EPYC: variants seen among roughly 807,000 people sequenced by gnomAD.
EPYC encodes epiphycan.
A neutral mutation model predicts 30.1 loss-of-function variants in EPYC; 28 were observed. The observed-to-expected ratio is 0.93, with a 90% CI of 0.69 to 1.28. The LOEUF (loss-of-function observed/expected upper bound fraction) is 1.28, where lower values mean the gene tolerates loss of function less well. EPYC is among the 50% of genes most tolerant of loss of function. The pLI, the probability that EPYC is intolerant of heterozygous loss-of-function variation, is 0.00. For missense variants in EPYC, 382 were observed against 383.5 expected (o/e 1.00, Z 0.03); for synonymous variants, 144 against 141.4 (o/e 1.02, Z -0.13).
At chr12:90,968,146 CTT>C (rs1175042021) in intron 6 of EPYC, among the ~76,000 whole-genome samples, 2 of 152,086 alleles carry the variant, frequency 1.3e-5, no homozygotes, top group African/African-American at 2.4e-5. Context: ...TATTAACCCT[CTT>C]ATCATTATAA....
chr12:90,984,018 T>A (rs1877387104), intron 2 of EPYC, among the ~76,000 whole-genome samples: 1 of 152,032 alleles, frequency 6.6e-6, no homozygotes, highest in Non-Finnish European at 1.5e-5. Flanking sequence ...ATTCATATGA[T>A]GAGAAGTGAG....
chr12:90,979,027 T>C (rs926935343), intron 2 of EPYC, among the ~76,000 whole-genome samples: 5 of 152,288 alleles, frequency 3.3e-5, no homozygotes, highest in Non-Finnish European at 5.9e-5. Flanking sequence ...TTATATTATA[T>C]TTTAGATTAC....
intron 2 of EPYC, among the ~76,000 whole-genome samples, chr12:90,980,744 T>C (rs1398230064): frequency 6.6e-6 from 1 of 152,210 alleles, no homozygotes; most frequent in Non-Finnish European, 1.5e-5. Context: ...AATGTAAACA[T>C]AATTGAGCCT....
At chr12:90,985,481 A>G (rs558230712) in intron 2 of EPYC, among the ~76,000 whole-genome samples, 2 of 152,222 alleles carry the variant, frequency 1.3e-5, no homozygotes, top group African/African-American at 2.4e-5. Flanking sequence ...TTGGTGTTCT[A>G]TAATAGGGAC....
intron 2 of EPYC, among the ~76,000 whole-genome samples, chr12:90,997,811 C>T (rs1877729405): frequency 6.6e-6 from 1 of 151,976 alleles, no homozygotes; most frequent in Admixed American, 6.6e-5. Flanking sequence ...TAAAGGTTAC[C>T]TCTAGTTCAC....
intron 2 of EPYC, among the ~76,000 whole-genome samples, chr12:90,986,506 G>A (rs1382374543): frequency 6.6e-6 from 1 of 152,132 alleles, no homozygotes; most frequent in Non-Finnish European, 1.5e-5. Context: ...AATACCAGAG[G>A]AAGCAGAATG....
At chr12:90,982,688 G>T (rs1051487205) in intron 2 of EPYC, among the ~76,000 whole-genome samples, 1 of 151,932 alleles carries the variant, frequency 6.6e-6, no homozygotes, top group African/African-American at 2.4e-5. Context: ...ATTCCACTCT[G>T]TCCTATGCAG....
Position 90,963,960 on chromosome 12 carries a change from A to G in EPYC, c.*196T>C, listed in dbSNP as rs899011035. The G allele has an allele frequency of 9.5e-6, 4 of 422,600 alleles. No homozygotes were observed. The highest frequency in any genetic ancestry group is 1.7e-5 in the Non-Finnish European group (4 of 238,500). 26.2% of individuals were successfully genotyped at this position (422,600 alleles called of 1,614,324 possible). ...TAGTTTTGCTCTTTTTGTAAATGTT[A>G]TAGGTTTATTCCTAACTCATCTGGT... On this transcript the variant is annotated 3_prime_UTR_variant, in exon 7 of 7. Transcript: ENST00000261172.
intron 2 of EPYC, among the ~76,000 whole-genome samples, chr12:90,983,260 A>G (rs569310572): frequency 3.9e-5 from 6 of 152,312 alleles, no homozygotes; most frequent in Admixed American, 2.0e-4. Context: ...AAAGGCTACC[A>G]TGAGATAAGT....
At chr12:90,985,221 GA>G (rs1170019678) in intron 2 of EPYC, among the ~76,000 whole-genome samples, 1 of 151,346 alleles carries the variant, frequency 6.6e-6, no homozygotes, top group Non-Finnish European at 1.5e-5. Flanking sequence ...GGAGAATTAG[GA>G]AAAAGCACAT....
intron 1 of EPYC, among the ~76,000 whole-genome samples, chr12:91,003,690 G>A (rs1413653798): frequency 6.6e-6 from 1 of 152,022 alleles, no homozygotes; most frequent in Non-Finnish European, 1.5e-5. Flanking sequence ...TCTGTATCAA[G>A]CATGTCTAAT....
At chr12:90,988,435 A>C in intron 2 of EPYC, among the ~76,000 whole-genome samples, 1 of 152,136 alleles carries the variant, frequency 6.6e-6, no homozygotes, top group East Asian at 1.9e-4. Flanking sequence ...GGGAAATATT[A>C]AATTTGTTGA....
intron 2 of EPYC, among the ~76,000 whole-genome samples, chr12:90,997,616 A>G (rs1313198363): frequency 2.0e-5 from 3 of 152,128 alleles, no homozygotes; most frequent in African/African-American, 4.8e-5. Context: ...ACTTTTGAAC[A>G]ATGCAGTTTT....
At chr12:91,000,727 G>T (rs530596785) in intron 2 of EPYC, among the ~76,000 whole-genome samples, 1 of 152,032 alleles carries the variant, frequency 6.6e-6, no homozygotes, top group Non-Finnish European at 1.5e-5. Flanking sequence ...AGTTTGGGGG[G>T]AAATGACAAA....
intron 1 of EPYC, 98 bp from the exon 2 acceptor site, chr12:91,002,676 CT>C (rs776576529): frequency 3.7e-5 from 34 of 920,818 alleles, no homozygotes; most frequent in Non-Finnish European, 5.4e-5. Flanking sequence ...TATCAAAGAA[CT>C]CAAGCTGGTA....
chr12:90,974,250 A>C (rs773919854), intron 3 of EPYC, among the ~76,000 whole-genome samples: 7 of 112,058 alleles, frequency 6.2e-5, no homozygotes, highest in Non-Finnish European at 1.2e-4. Context: ...CAACAACCTA[A>C]GCCTCCTGAG....
At chr12:90,972,114 TGA>T (rs1877066720) in intron 4 of EPYC, 112 bp from the exon 5 acceptor site, 1 of 600,484 alleles carries the variant, frequency 1.7e-6, no homozygotes, top group Non-Finnish European at 2.8e-6. Flanking sequence ...GCACAGTTAA[TGA>T]GATGATTATC....
At chr12:90,986,353 T>C (rs1409573853) in intron 2 of EPYC, among the ~76,000 whole-genome samples, 1 of 152,092 alleles carries the variant, frequency 6.6e-6, no homozygotes, top group African/African-American at 2.4e-5. Flanking sequence ...AGTAAGAAAA[T>C]GCAGCAGTCC....
At chr12:90,969,573 A>T (rs533785285) in intron 6 of EPYC, among the ~76,000 whole-genome samples, 50 of 151,012 alleles carry the variant, frequency 3.3e-4, no homozygotes, top group African/African-American at 1.2e-3. Context: ...GGAGCTTGCC[A>T]TCTCTCAGCA....
Sources: allele counts gnomAD v4.1 joint callset (sites outside exome capture counted in the v4.1 genomes callset), GRCh38; gene constraint gnomAD v4.1.1; transcripts MANE v1.5; gene names NCBI Gene and HGNC (gene_info 2026-07-23, HGNC 2026-07-21).